The following LRSAM1 variants were observed in gnomAD, a reference collection of about 807,000 sequenced individuals.
LRSAM1 encodes the protein E3 ubiquitin-protein ligase LRSAM1.
A neutral mutation model predicts 118.1 loss-of-function variants in LRSAM1; 96 were observed. The ratio of observed to expected loss-of-function variants is 0.81; its 90% confidence interval spans 0.69 to 0.96. The LOEUF is 0.96. Among genes scored for constraint, LRSAM1 ranks in the 40% least tolerant of loss-of-function variants. The probability of loss-of-function intolerance (pLI) is 0.00; values close to 1 mark genes in which losing one functional copy is unlikely to be tolerated. For missense variants in LRSAM1, 804 were observed against 915.5 expected, an observed-to-expected ratio of 0.88 and a Z score of 1.57; for synonymous variants, 322 against 364.2, an observed-to-expected ratio of 0.88 and a Z score of 1.32.
chr9:127,500,217 CT>C (rs2132125275), intron 24 of LRSAM1, among the ~76,000 whole-genome samples: 2 of 151,812 alleles, frequency 1.3e-5, no homozygotes, highest in South Asian at 4.2e-4. Flanking sequence ...AAAAATTAGC[CT>C]GTCGTGATAG....
Position 127,496,014 on chromosome 9 carries a change from T to C in LRSAM1, c.1749T>C (p.Ala583=). Residue 583 remains alanine, a synonymous_variant, in exon 23 of 26, where the codon GCT becomes GCC. Transcript: ENST00000300417. ...QLVALLEELS[A]EHYLPIFAHH... is the part of the protein sequence containing the mutation. The stretch of plus-strand genomic sequence containing the variant: ...TGGCCCTCCTGGAGGAGCTGTCGGC[T>C]GAGCACTACCTGCCCATCTTTGCGC... The C allele has an allele frequency of 6.2e-7, 1 of 1,612,906 alleles. No individual in the cohort carries two copies. Among genetic ancestry groups the C allele is most frequent in the Non-Finnish European group, 8.5e-7 (1 of 1,179,982 alleles).
In LRSAM1 at chr9:127,481,254, C is replaced by CT. The variant is rs763598737; in HGVS notation, c.1088+27_1088+28insT. 1.2e-5 allele frequency: 18 copies of CT among 1,564,652 alleles called. No homozygotes were observed. The African/African-American group carries it at 1.8e-4, about 16-fold the overall frequency. The stretch of plus-strand genomic sequence containing the variant: ...TAAGTGTTCTTCCAGGGGAGGGCAG[C>CT]ATTTTTTTTTTTTTTTTGAGACGGA... On this transcript the variant is annotated intron_variant, in intron 15 of 25. Transcript: ENST00000300417.
rs146389427 is a variant in LRSAM1 at position 127,468,367 on chromosome 9, G to A, written c.619+537G>A. Among the ~76,000 whole-genome samples the A allele has an allele frequency of 8.2e-3, 1,255 of 152,208 alleles. 13 individuals carry two copies. Among genetic ancestry groups the A allele is most frequent in the Middle Eastern group, 0.014 (4 of 294 alleles). ...ACAGGGGACCAGTTAGGAGGCTGTC[G>A]GGGTCATCCAGGAGAGATGCACAGC... On this transcript the variant is annotated intron_variant, in intron 10 of 25. Transcript: ENST00000300417.
chr9:127,482,302 C>A (rs1249579518), intron 15 of LRSAM1, among the ~76,000 whole-genome samples: 1 of 152,044 alleles, frequency 6.6e-6, no homozygotes, highest in African/African-American at 2.4e-5. Context: ...ACCACCAGGT[C>A]CGGCTGATTT....
At chr9:127,470,059 A>G (rs1339970306) in intron 10 of LRSAM1, among the ~76,000 whole-genome samples, 1 of 152,020 alleles carries the variant, frequency 6.6e-6, no homozygotes, top group East Asian at 1.9e-4. Flanking sequence ...TGCAGGTGGG[A>G]ATGTAAAGTG....
At chr9:127,499,070 AAAAG>A (rs1187941850) in intron 24 of LRSAM1, among the ~76,000 whole-genome samples, 1 of 145,012 alleles carries the variant, frequency 6.9e-6, no homozygotes, top group Admixed American at 6.8e-5. Flanking sequence ...AAAAAAAAGA[AAAAG>A]AAAAAAACAA....
At position 127,465,279 on chromosome 9, in the gene LRSAM1, C is replaced by G. The variant is rs763709735; in HGVS notation, c.529-2461C>G. ...TCCTGCTGCCCACGATGAGAATGCT[C>G]TATGATCTGTGCAGCCAACATGGCC... On this transcript the variant is annotated intron_variant, in intron 9 of 25. Transcript: ENST00000300417. The surrounding 1 kb of genome is among the most constrained non-coding windows in gnomAD (Gnocchi z 4.1). 3.7e-4 allele frequency among the ~76,000 whole-genome samples: 56 copies of G among 152,228 alleles called. No individual in the cohort carries two copies. Among genetic ancestry groups the G allele is most frequent in the Non-Finnish European group, 6.8e-4 (46 of 68,046 alleles).
intron 7 of LRSAM1, among the ~76,000 whole-genome samples, chr9:127,460,780 C>T (rs1050187889): frequency 4.1e-5 from 6 of 144,664 alleles, no homozygotes; most frequent in East Asian, 2.2e-4. Context: ...CCCGGCAGGG[C>T]GAGGGGTGCG....
chr9:127,492,935 A>G (rs1239670568), intron 21 of LRSAM1, 38 bp downstream of exon 21: 1 of 1,574,446 alleles, frequency 6.4e-7, no homozygotes, highest in African/African-American at 1.3e-5. Flanking sequence ...TCACACAGGC[A>G]TTTGCTTTTC....
At chr9:127,471,472 TA>T (rs71380064) in intron 10 of LRSAM1, among the ~76,000 whole-genome samples, 3,228 of 68,102 alleles carry the variant, frequency 0.047, 112 homozygotes, top group African/African-American at 0.14. Context: ...CCTTATGTTA[TA>T]AAAAAAAAAA....
Position 127,489,536 on chromosome 9 carries a change from G to A in LRSAM1, c.1422+18G>A, listed in dbSNP as rs764321894. The stretch of plus-strand genomic sequence containing the variant: ...GGAGCCAGGTGAGCGCTGGGGCTGG[G>A]GTCCCTGGACCTGCTCTCTCAGAGA... On this transcript the variant is annotated intron_variant, in intron 19 of 25. Transcript: ENST00000300417. 6.3e-7 allele frequency: 1 copy of A among 1,597,324 alleles called. No homozygotes were observed. Among genetic ancestry groups the A allele is most frequent in the South Asian group, 1.1e-5 (1 of 88,306 alleles).
chr9:127,485,041 C>T lies in LRSAM1; in HGVS notation c.1160-695C>T, dbSNP rs1384057230. On this transcript the variant is annotated intron_variant, in intron 16 of 25. Coordinates refer to ENST00000300417, the MANE Select transcript of LRSAM1 (RefSeq NM_001005373.4). ...CAGGCTGGTCTCGAACTCCTGACCT[C>T]CGGTGATCCACCTGCCTTGGCTTCC... 2.0e-5 allele frequency among the ~76,000 whole-genome samples: 3 copies of T among 152,016 alleles called. No homozygotes were observed. In the East Asian group the frequency reaches 5.8e-4, roughly 29 times the overall value.
In LRSAM1 at chr9:127,462,324, A is replaced by G. The variant is rs1834778981; in HGVS notation, c.479A>G (p.Asn160Ser). 1 of 1,613,924 alleles carries G rather than the reference A, an allele frequency of 6.2e-7. No homozygotes were observed. Among genetic ancestry groups the G allele is most frequent in the Non-Finnish European group, 8.5e-7 (1 of 1,179,998 alleles). ...CTGCGTACCCTCAACATCAGTGGAA[A>G]CGAGATCCAGAGATTGCCGCAGATG... ...RSLRTLNISG[N>S]EIQRLPQMLA... Residue 160 changes from asparagine to serine, a missense_variant, in exon 9 of 26, where the codon AAC (asparagine) becomes AGC (serine). Asn to Ser is a conservative substitution (Grantham distance 46). Transcript: ENST00000300417.
rs776039231 is a variant in LRSAM1, at chr9:127,454,577, G to T, written c.50G>T (p.Arg17Leu). The T allele has an allele frequency of 1.9e-6, 3 of 1,613,800 alleles. No homozygotes were observed. The highest frequency in any genetic ancestry group is 2.5e-6 in the Non-Finnish European group (3 of 1,179,990). The change falls in exon 3 of 26, where the codon CGC (arginine) becomes CTC (leucine). Residue 17 changes from arginine (R) to leucine (L), a missense_variant. Coordinates refer to ENST00000300417, the MANE Select transcript of LRSAM1 (RefSeq NM_001005373.4). ...KRKPSEEARK[R>L]LEYQMCLAKE... is the part of the protein sequence containing the mutation. ...AAACCCAGTGAGGAGGCTCGGAAACGCCTGGAGTACCAGATGTGTTTGGTG... is the reference window on the plus strand; with the variant it reads ...AAACCCAGTGAGGAGGCTCGGAAACTCCTGGAGTACCAGATGTGTTTGGTG...
chr9:127,500,833 C>T (rs1836357342), intron 24 of LRSAM1, among the ~76,000 whole-genome samples, 177 bp from the exon 25 acceptor site: 1 of 152,130 alleles, frequency 6.6e-6, no homozygotes, highest in African/African-American at 2.4e-5. Context: ...AAATGAGGCT[C>T]AGAGAAGAGA....
At chr9:127,464,856 TG>T (rs2132021381) in intron 9 of LRSAM1, among the ~76,000 whole-genome samples, 1 of 152,192 alleles carries the variant, frequency 6.6e-6, no homozygotes, top group South Asian at 2.1e-4. Flanking sequence ...TTGCCCAGCC[TG>T]GTCTCAAAGT....
At chr9:127,463,034 A>G (rs1045149720) in intron 9 of LRSAM1, among the ~76,000 whole-genome samples, 46 of 151,840 alleles carry the variant, frequency 3.0e-4, no homozygotes, top group African/African-American at 1.0e-3. Flanking sequence ...TGTCTCTACT[A>G]AAAATACAAG....
At chr9:127,502,686 CAAAAAAAAAAA>C (rs71380066) in intron 25 of LRSAM1, 77 bp from the exon 26 acceptor site, 36 of 899,026 alleles carry the variant, frequency 4.0e-5, no homozygotes, top group Non-Finnish European at 4.9e-5. Flanking sequence ...GACTCTGTCT[CAAAAAAAAAAA>C]AAAAAAAAAA....
intron 18 of LRSAM1, 135 bp downstream of exon 18, chr9:127,487,898 A>T: frequency 1.6e-6 from 1 of 622,492 alleles, no homozygotes; most frequent in Non-Finnish European, 2.7e-6. Flanking sequence ...ATAGAGGTGT[A>T]CAAGTGATCA....
Sources: gnomAD v4.1 joint callset for allele counts (sites outside exome capture counted in the v4.1 genomes callset) on GRCh38, gnomAD v4.1.1 for gene constraint, Gnocchi (gnomAD v3.1) non-coding constraint, MANE v1.5 for transcripts, NCBI Gene and HGNC (gene_info 2026-07-23, HGNC 2026-07-21) for gene names.